RBFOX1: variants seen among roughly 807,000 people sequenced by gnomAD.
RBFOX1 encodes the protein RNA binding protein fox-1 homolog 1.
Under a neutral mutation model 57.7 loss-of-function variants are expected in RBFOX1, and 8 were observed. The observed-to-expected ratio is 0.14, with a 90% confidence interval of 0.08 to 0.25. The LOEUF (loss-of-function observed/expected upper bound fraction) is 0.25. RBFOX1 is among the 10% of genes least tolerant of loss of function. The pLI is 1.00. For synonymous variants in RBFOX1, 326 were observed against 222.4 expected (o/e 1.47, Z -4.15); for missense variants, 611 against 548.5 (o/e 1.11, Z -1.14).
chr16:7,242,350 C>G (rs993387286), intron 4 of RBFOX1, among the ~76,000 whole-genome samples: 14 of 152,284 alleles, frequency 9.2e-5, no homozygotes, highest in Non-Finnish European at 1.8e-4. Context: ...AAGGTACCTT[C>G]TGATGCAGAC....
At chr16:5,632,010 A>T (rs1014379347) in intron 3 of RBFOX1, among the ~76,000 whole-genome samples, 3 of 152,154 alleles carry the variant, frequency 2.0e-5, no homozygotes, top group African/African-American at 7.2e-5. Context: ...TAAAGATCTC[A>T]CAGGAGGATT....
chr16:6,405,405 C>A (rs568602936), intron 2 of RBFOX1, among the ~76,000 whole-genome samples: 1 of 152,290 alleles, frequency 6.6e-6, no homozygotes, highest in Admixed American at 6.5e-5. Context: ...TTGGGAAGTG[C>A]ACCAAATAGT....
At chr16:5,509,526 T>G (rs3893305) in intron 2 of RBFOX1, among the ~76,000 whole-genome samples, 2,014 of 152,302 alleles carry the variant, frequency 0.013, 19 homozygotes, top group Middle Eastern at 0.024. Context: ...GAGTGTGGAA[T>G]GAGATGAAGT....
intron 2 of RBFOX1, among the ~76,000 whole-genome samples, chr16:5,594,980 A>G (rs1033257541): frequency 2.7e-4 from 40 of 150,692 alleles, no homozygotes; most frequent in African/African-American, 8.0e-4. Flanking sequence ...AAAAAAAAAA[A>G]AAAAAAAAAA....
chr16:7,522,688 G>C (rs1167518905), intron 5 of RBFOX1, among the ~76,000 whole-genome samples: 1 of 152,150 alleles, frequency 6.6e-6, no homozygotes, highest in African/African-American at 2.4e-5. Context: ...AGGTCCCTAC[G>C]TGGGGCACAA....
intron 1 of RBFOX1, among the ~76,000 whole-genome samples, chr16:5,404,095 G>A (rs2066795375): frequency 6.6e-6 from 1 of 150,720 alleles, no homozygotes; most frequent in South Asian, 2.1e-4. Context: ...GGGGTGGGCA[G>A]TGAGGGAGAT....
At chr16:5,365,739 C>T (rs1283172243) in intron 1 of RBFOX1, 4 of 440,276 alleles carry the variant, frequency 9.1e-6, no homozygotes, top group East Asian at 1.2e-4. Context: ...TTCTCTTGAG[C>T]AGTGGTCATT....
chr16:5,740,862 G>T (rs145958850), intron 3 of RBFOX1, among the ~76,000 whole-genome samples: 1 of 152,098 alleles, frequency 6.6e-6, no homozygotes, highest in Non-Finnish European at 1.5e-5. Flanking sequence ...TTATGTGCCC[G>T]TCTGGACAGA....
At chr16:6,824,884 G>C (rs1162777461) in intron 3 of RBFOX1, among the ~76,000 whole-genome samples, 1 of 150,772 alleles carries the variant, frequency 6.6e-6, no homozygotes, top group African/African-American at 2.4e-5. Context: ...AATTGAAAGT[G>C]GTATTGTTGG....
chr16:5,836,386 G>T (rs1048739304), intron 3 of RBFOX1, among the ~76,000 whole-genome samples: 9 of 152,122 alleles, frequency 5.9e-5, no homozygotes, highest in Admixed American at 2.6e-4. Flanking sequence ...CAAACATCTG[G>T]GAGCATGATC....
In RBFOX1 at chr16:6,889,675, C is replaced by T. The variant is rs200493764; in HGVS notation, c.-15-162382C>T. On this transcript the variant is annotated intron_variant, in intron 3 of 15. Transcript: ENST00000550418. The stretch of plus-strand genomic sequence containing the variant: ...ATCCACCAGCTTCCACCATGTAGTC[C>T]AGCACCTAATGGTTGTTTAATAAAT... Among the ~76,000 whole-genome samples, 13 of 152,292 alleles carry T rather than the reference C, an allele frequency of 8.5e-5. 1 individual carries two copies. In the East Asian group the frequency reaches 1.3e-3, roughly 16 times the overall value.
At chr16:6,586,559 GGGGCAA>G (rs2097623346) in intron 2 of RBFOX1, among the ~76,000 whole-genome samples, 1 of 152,114 alleles carries the variant, frequency 6.6e-6, no homozygotes, top group East Asian at 1.9e-4. Flanking sequence ...TAGCTGGTTT[GGGGCAA>G]AGCTGAATCA....
At chr16:5,560,575 G>A (rs1186864850) in intron 2 of RBFOX1, among the ~76,000 whole-genome samples, 1 of 152,204 alleles carries the variant, frequency 6.6e-6, no homozygotes, top group African/African-American at 2.4e-5. Context: ...ACTGTACAAG[G>A]TCAAATGTGG....
At chr16:7,409,254 C>A (rs1197980644) in intron 4 of RBFOX1, among the ~76,000 whole-genome samples, 1 of 152,138 alleles carries the variant, frequency 6.6e-6, no homozygotes, top group African/African-American at 2.4e-5. Flanking sequence ...TAATGTCAAC[C>A]CTGTTAGAGG....
At chr16:7,349,980 C>G (rs894957726) in intron 4 of RBFOX1, among the ~76,000 whole-genome samples, 2 of 152,102 alleles carry the variant, frequency 1.3e-5, no homozygotes, top group African/African-American at 4.8e-5. Flanking sequence ...AACCTCATTT[C>G]TACTGAAACA....
At chr16:6,937,782 A>C (rs1479514632) in intron 3 of RBFOX1, among the ~76,000 whole-genome samples, 1 of 152,088 alleles carries the variant, frequency 6.6e-6, no homozygotes, top group Non-Finnish European at 1.5e-5. Context: ...TGTAGCCTCC[A>C]GGTAGCAGGC....
intron 3 of RBFOX1, among the ~76,000 whole-genome samples, chr16:6,951,932 C>T (rs1316706886): frequency 2.0e-5 from 3 of 152,168 alleles, no homozygotes; most frequent in Non-Finnish European, 4.4e-5. Context: ...GATGGGGTTT[C>T]ACCATGTTGG....
intron 1 of RBFOX1, among the ~76,000 whole-genome samples, chr16:5,446,751 C>G (rs896248926): frequency 6.6e-6 from 1 of 152,026 alleles, no homozygotes; most frequent in African/African-American, 2.4e-5. Flanking sequence ...TCTTCAAGTC[C>G]CTCCTCCTGT....
At chr16:6,657,137 TCTCTC>T (rs2098664143) in intron 3 of RBFOX1, among the ~76,000 whole-genome samples, 2 of 138,646 alleles carry the variant, frequency 1.4e-5, no homozygotes, top group Non-Finnish European at 3.1e-5. Flanking sequence ...CCTCTCCTCT[TCTCTC>T]CTCTTCTCTC....
Sources: allele counts gnomAD v4.1 joint callset (sites outside exome capture counted in the v4.1 genomes callset), GRCh38; gene constraint gnomAD v4.1.1; transcripts MANE v1.5; gene names NCBI Gene and HGNC (gene_info 2026-07-23, HGNC 2026-07-21).